Variants in NDST3 observed in about 807,000 individuals in gnomAD.
The protein encoded by NDST3 is N-deacetylase and N-sulfotransferase 3.
In NDST3, 58 loss-of-function variants were observed where a neutral mutation model predicts 96.1. The observed-to-expected ratio is 0.60, with a 90% CI of 0.49 to 0.75. The LOEUF (loss-of-function observed/expected upper bound fraction) is 0.75. Ranked by LOEUF, NDST3 falls within the 30% of genes least tolerant of loss-of-function variation. The pLI is 0.00. For missense variants in NDST3, 788 were observed against 1,034.2 expected, an observed-to-expected ratio of 0.76 and a Z score of 3.27; for synonymous variants, 333 against 359.7, an observed-to-expected ratio of 0.93 and a Z score of 0.84.
chr4:118,101,599 G>A (rs186889364), intron 2 of NDST3, among the ~76,000 whole-genome samples: 5 of 152,176 alleles, frequency 3.3e-5, no homozygotes, highest in African/African-American at 7.2e-5. Context: ...AGCCATGAGT[G>A]GCTTAATGAT....
At chr4:118,137,917 A>T (rs1733247879) in intron 4 of NDST3, 137 bp from the exon 5 acceptor site, 1 of 726,348 alleles carries the variant, frequency 1.4e-6, no homozygotes, top group Non-Finnish European at 2.1e-6. Context: ...TAATACTTAT[A>T]TCACTTTAAT....
At chr4:118,149,019 C>T (rs35492744) in intron 6 of NDST3, among the ~76,000 whole-genome samples, 7,922 of 152,022 alleles carry the variant, frequency 0.052, 292 homozygotes, top group Non-Finnish European at 0.083. Flanking sequence ...GGAATCCTTT[C>T]CCCATTGCTT....
intron 13 of NDST3, among the ~76,000 whole-genome samples, chr4:118,254,537 C>G (rs1408597096): frequency 2.0e-5 from 3 of 152,094 alleles, no homozygotes; most frequent in Non-Finnish European, 4.4e-5. Context: ...TTCTCCATTT[C>G]TATACCCCAC....
intron 6 of NDST3, among the ~76,000 whole-genome samples, chr4:118,175,444 T>C (rs1736216140): frequency 6.6e-6 from 1 of 152,120 alleles, no homozygotes; most frequent in African/African-American, 2.4e-5. Context: ...TAGTCATCCA[T>C]CACTAAGTAG....
chr4:118,251,082 T>C (rs1333644062), intron 12 of NDST3, among the ~76,000 whole-genome samples: 7 of 143,696 alleles, frequency 4.9e-5, no homozygotes, highest in South Asian at 2.2e-4. Context: ...ATTTTAGCTA[T>C]AAATTTTTTA....
intron 6 of NDST3, among the ~76,000 whole-genome samples, chr4:118,224,042 G>A (rs1240890930): frequency 6.6e-6 from 1 of 152,102 alleles, no homozygotes; most frequent in Non-Finnish European, 1.5e-5. Context: ...TCAATGCATG[G>A]ATTCAATCTA....
rs1455605786 is a variant in NDST3, at chr4:118,232,136, T to C, written c.1820-876T>C. Among the ~76,000 whole-genome samples, 5 of 152,216 alleles carry C rather than the reference T, an allele frequency of 3.3e-5. 1 individual carries two copies. Among genetic ancestry groups the C allele is most frequent in the Admixed American group, 3.3e-4 (5 of 15,284 alleles). On this transcript the variant is annotated intron_variant, in intron 8 of 13. Coordinates refer to ENST00000296499, the MANE Select transcript of NDST3 (RefSeq NM_004784.3). ...ACTTGTGGAAAGATTAAATTCTGTC[T>C]TGAGTTTAATTAGCTTTCATAGGCC... is the stretch of plus-strand genomic sequence containing the variant.
chr4:118,154,329 CTG>C (rs1180495658), intron 6 of NDST3, among the ~76,000 whole-genome samples: 1 of 152,138 alleles, frequency 6.6e-6, no homozygotes, highest in Non-Finnish European at 1.5e-5. Context: ...CAGAGGTAAT[CTG>C]TGTGTGTTTC....
intron 4 of NDST3, among the ~76,000 whole-genome samples, chr4:118,134,577 A>C (rs894063545): frequency 6.6e-6 from 1 of 152,194 alleles, no homozygotes; most frequent in African/African-American, 2.4e-5. Context: ...CAGTGGACTA[A>C]ATTTAGAAAA....
At chr4:118,245,070 A>G (rs1741230526) in intron 12 of NDST3, among the ~76,000 whole-genome samples, 1 of 152,176 alleles carries the variant, frequency 6.6e-6, no homozygotes, top group Non-Finnish European at 1.5e-5. Context: ...TTTGTGTTAC[A>G]TGTTATATAG....
chr4:118,109,264 A>G (rs1367925924), intron 3 of NDST3, among the ~76,000 whole-genome samples: 1 of 152,222 alleles, frequency 6.6e-6, no homozygotes, highest in African/African-American at 2.4e-5. Flanking sequence ...CATATGGATG[A>G]AAAACCACCA....
chr4:118,137,164 A>G (rs1432419334), intron 4 of NDST3, among the ~76,000 whole-genome samples: 1 of 152,224 alleles, frequency 6.6e-6, no homozygotes, highest in Non-Finnish European at 1.5e-5. Flanking sequence ...GAAGACAGTC[A>G]TTAATTTAAA....
chr4:118,157,087 T>TA (rs1171491504), intron 6 of NDST3, among the ~76,000 whole-genome samples: 11 of 152,048 alleles, frequency 7.2e-5, no homozygotes, highest in Non-Finnish European at 1.0e-4. Context: ...AGAGACTAGT[T>TA]AAAAAAATCT....
At chr4:118,068,792 T>G (rs930986408) in intron 2 of NDST3, among the ~76,000 whole-genome samples, 2 of 152,106 alleles carry the variant, frequency 1.3e-5, no homozygotes, top group African/African-American at 4.8e-5. Flanking sequence ...TGTATAAAAA[T>G]ATTTAATTTT....
chr4:118,137,832 C>T (rs1477315178), intron 4 of NDST3, among the ~76,000 whole-genome samples: 1 of 152,128 alleles, frequency 6.6e-6, no homozygotes, highest in East Asian at 1.9e-4. Context: ...ATCTGTCTCA[C>T]CACCCCTCAA....
chr4:118,122,692 G>A (rs1270476809), intron 4 of NDST3, among the ~76,000 whole-genome samples: 6 of 152,026 alleles, frequency 3.9e-5, no homozygotes, highest in East Asian at 3.9e-4. Flanking sequence ...CTCTGTTTCC[G>A]CTGCATGAAA....
chr4:118,087,908 G>A (rs1728557608), intron 2 of NDST3, among the ~76,000 whole-genome samples: 2 of 152,066 alleles, frequency 1.3e-5, no homozygotes. Context: ...AGAAGCTGTG[G>A]AATGTAGTTA....
intron 11 of NDST3, among the ~76,000 whole-genome samples, chr4:118,241,181 T>A (rs1473516882): frequency 1.3e-5 from 2 of 151,684 alleles, no homozygotes; most frequent in Non-Finnish European, 3.0e-5. Flanking sequence ...TCAGACATGG[T>A]ATATACCTGT....
rs1215736565 is a variant in NDST3 at position 118,256,529 on chromosome 4, A to G, written c.*817A>G. The G allele has an allele frequency of 6.6e-6, 1 of 152,216 alleles. No homozygotes were observed. Among genetic ancestry groups the G allele is most frequent in the East Asian group, 1.9e-4 (1 of 5,190 alleles). The allele number at this position is 152,216 out of a possible 1,614,324, so 9.4% of individuals were successfully genotyped here. On this transcript the variant is annotated 3_prime_UTR_variant, in exon 14 of 14. Transcript: ENST00000296499. The stretch of plus-strand genomic sequence containing the variant: ...TAAAAGGGAGAAATTGTAGGGGTCT[A>G]AAAACATATCATCGAGAATTCTATG...
Sources: allele counts gnomAD v4.1 joint callset (sites outside exome capture counted in the v4.1 genomes callset), GRCh38; gene constraint gnomAD v4.1.1; transcripts MANE v1.5; gene names NCBI Gene and HGNC (gene_info 2026-07-23, HGNC 2026-07-21).